Variants in GRK3 observed in about 807,000 individuals in gnomAD.
GRK3 encodes the protein G protein-coupled receptor kinase 3, also known as adrenergic, beta, receptor kinase 2.
In GRK3, 54 loss-of-function variants were observed where a neutral mutation model predicts 95.7. The ratio of observed to expected loss-of-function variants is 0.56; its 90% CI spans 0.45 to 0.71. The LOEUF (loss-of-function observed/expected upper bound fraction) is 0.71, where lower values mean the gene tolerates loss of function less well. GRK3 is among the 30% of genes least tolerant of loss of function. GRK3 has a pLI of 0.00. For missense variants in GRK3, 649 were observed against 851.2 expected, an observed-to-expected ratio of 0.76 and a Z score of 2.96; for synonymous variants, 281 against 290.8, an observed-to-expected ratio of 0.97 and a Z score of 0.34.
chr22:25,620,034 G>C (rs1366036933), intron 2 of GRK3, among the ~76,000 whole-genome samples: 1 of 149,810 alleles, frequency 6.7e-6, no homozygotes, highest in Non-Finnish European at 1.5e-5. Flanking sequence ...GTGTGTGTGT[G>C]TGTGTGTGTG....
intron 12 of GRK3, among the ~76,000 whole-genome samples, chr22:25,690,750 A>G (rs144140794): frequency 6.6e-6 from 1 of 152,290 alleles, no homozygotes; most frequent in African/African-American, 2.4e-5. Flanking sequence ...TCTTTTTCAA[A>G]AAGGCTTTTC....
At chr22:25,567,922 A>G (rs1931549186) in intron 1 of GRK3, among the ~76,000 whole-genome samples, 1 of 152,190 alleles carries the variant, frequency 6.6e-6, no homozygotes, top group Admixed American at 6.5e-5. Context: ...CCCAGGGGAG[A>G]TTTTGCTTCC....
chr22:25,631,179 G>GCTTTTTT (rs1378572783), intron 2 of GRK3, among the ~76,000 whole-genome samples: 1 of 152,128 alleles, frequency 6.6e-6, no homozygotes, highest in African/African-American at 2.4e-5. Context: ...ATAGCTATAT[G>GCTTTTTT]CTTTTTTCTT....
Position 25,725,498 on chromosome 22 carries a change from A to T in GRK3, c.*3048A>T. 2.5e-6 allele frequency: 1 copy of T among 398,468 alleles called. No homozygotes were observed. The allele number at this position is 398,468 out of a possible 1,614,324, so 24.7% of individuals were successfully genotyped here. On this transcript the variant is annotated 3_prime_UTR_variant, in exon 21 of 21. Coordinates refer to ENST00000324198, the MANE Select transcript of GRK3 (RefSeq NM_005160.4). ...TTTGGTTCATTCATCCCCTCATGTC[A>T]TGGGGGCTCATTGGTTTTCCTTCTT...
intron 9 of GRK3, among the ~76,000 whole-genome samples, chr22:25,680,485 A>C (rs1276340950): frequency 2.6e-5 from 4 of 152,238 alleles, no homozygotes; most frequent in Non-Finnish European, 4.4e-5. Flanking sequence ...ATTTATTCTC[A>C]AGAAAGCCTA....
chr22:25,699,995 G>T (rs2085245538), intron 13 of GRK3, among the ~76,000 whole-genome samples: 1 of 152,194 alleles, frequency 6.6e-6, no homozygotes, highest in South Asian at 2.1e-4. Context: ...CCCGCGCCCG[G>T]CCGCTCTGTT....
chr22:25,615,725 C>T (rs1265227270), intron 2 of GRK3, among the ~76,000 whole-genome samples: 2 of 146,160 alleles, frequency 1.4e-5, no homozygotes, highest in Non-Finnish European at 3.0e-5. Flanking sequence ...GAAAGATCCA[C>T]AAATACATAC....
rs976283603 is a variant in GRK3 at position 25,711,232 on chromosome 22, T to C, written c.1491+69T>C. 9.4e-6 allele frequency: 10 copies of C among 1,061,144 alleles called. No individual in the cohort carries two copies. In the African/African-American group the frequency reaches 1.6e-4, roughly 17 times the overall value. The allele number at this position is 1,061,144 out of a possible 1,614,324, so 65.7% of individuals were successfully genotyped here. On this transcript the variant is annotated intron_variant, in intron 17 of 20. Coordinates refer to ENST00000324198, the MANE Select transcript of GRK3 (RefSeq NM_005160.4). Reference sequence around the variant, plus strand: ...GGATGATTTCTGTTGGAAATCAAACTTAGTGGTTGTTTTAATATTGGGCTG... The same window carrying C: ...GGATGATTTCTGTTGGAAATCAAACCTAGTGGTTGTTTTAATATTGGGCTG...
intron 2 of GRK3, among the ~76,000 whole-genome samples, chr22:25,636,229 T>G (rs992484330): frequency 2.6e-5 from 4 of 152,238 alleles, no homozygotes; most frequent in Non-Finnish European, 4.4e-5. Flanking sequence ...TTTAGCAGCC[T>G]AAATTTGGAC....
chr22:25,640,118 T>C (rs2084732177), intron 2 of GRK3, among the ~76,000 whole-genome samples: 1 of 152,196 alleles, frequency 6.6e-6, no homozygotes, highest in Non-Finnish European at 1.5e-5. Flanking sequence ...TAGTTCTTCC[T>C]TTTCAATTTG....
chr22:25,630,594 A>ATATT (rs2084657652), intron 2 of GRK3, among the ~76,000 whole-genome samples: 1 of 152,188 alleles, frequency 6.6e-6, no homozygotes, highest in Non-Finnish European at 1.5e-5. Flanking sequence ...TCTCGCCCCT[A>ATATT]CATTCTTACA....
intron 1 of GRK3, among the ~76,000 whole-genome samples, chr22:25,602,327 G>A (rs1259926428): frequency 6.6e-6 from 1 of 152,202 alleles, no homozygotes; most frequent in African/African-American, 2.4e-5. Context: ...CAACCCAAGT[G>A]TTGACAAGGA....
intron 2 of GRK3, among the ~76,000 whole-genome samples, chr22:25,625,151 C>CG (rs2084617830): frequency 6.6e-6 from 1 of 151,704 alleles, no homozygotes; most frequent in Non-Finnish European, 1.5e-5. Flanking sequence ...ACCCAGGCAC[C>CG]GAGGCAAGAG....
chr22:25,689,220 G>A (rs1240253588), intron 11 of GRK3, among the ~76,000 whole-genome samples: 1 of 152,008 alleles, frequency 6.6e-6, no homozygotes, highest in East Asian at 1.9e-4. Context: ...GACAATAGTT[G>A]GCCCTTGACA....
chr22:25,703,671 G>C, intron 14 of GRK3, 95 bp downstream of exon 14: 1 of 934,562 alleles, frequency 1.1e-6, no homozygotes, highest in Non-Finnish European at 1.6e-6. Flanking sequence ...AAATGTTATA[G>C]GAAATATAAA....
chr22:25,575,439 T>C (rs1931856112), intron 1 of GRK3, among the ~76,000 whole-genome samples: 1 of 152,198 alleles, frequency 6.6e-6, no homozygotes, highest in African/African-American at 2.4e-5. Context: ...GAACTAGGGT[T>C]TGAATTGGGT....
At chr22:25,663,941 C>T (rs764992404) in intron 5 of GRK3, among the ~76,000 whole-genome samples, 6 of 152,142 alleles carry the variant, frequency 3.9e-5, no homozygotes, top group Non-Finnish European at 8.8e-5. Flanking sequence ...AGAGCTTTGT[C>T]GTAACATTAT....
chr22:25,565,907 C>A (rs1438556028), intron 1 of GRK3, among the ~76,000 whole-genome samples: 1 of 151,972 alleles, frequency 6.6e-6, no homozygotes, highest in East Asian at 1.9e-4. Context: ...ATGGGTGATT[C>A]CAGACAGGAA....
intron 1 of GRK3, among the ~76,000 whole-genome samples, chr22:25,567,205 CT>C (rs1301717761): frequency 1.3e-5 from 2 of 152,104 alleles, no homozygotes; most frequent in Non-Finnish European, 2.9e-5. Context: ...GTAATTGTTA[CT>C]CTGTTGCTCT....
Sources: gnomAD v4.1 joint callset for allele counts (sites outside exome capture counted in the v4.1 genomes callset) on GRCh38, gnomAD v4.1.1 for gene constraint, MANE v1.5 for transcripts, NCBI Gene and HGNC (gene_info 2026-07-23, HGNC 2026-07-21) for gene names.